Variants in MAPK8IP3 observed in about 807,000 individuals in gnomAD.
MAPK8IP3 encodes the protein mitogen-activated protein kinase 8 interacting protein 3, also known as C-Jun-amino-terminal kinase-interacting protein 3.
In MAPK8IP3, 49 loss-of-function variants were observed where a neutral mutation model predicts 157.8. The ratio of observed to expected loss-of-function variants is 0.31; its 90% CI spans 0.25 to 0.39. The LOEUF is 0.39. Ranked by LOEUF, MAPK8IP3 falls within the 10% of genes least tolerant of loss-of-function variation. The pLI is 1.00. For synonymous variants in MAPK8IP3, 897 were observed against 777.7 expected (o/e 1.15, Z -2.55); for missense variants, 1,478 against 1,889.4 (o/e 0.78, Z 4.04).
chr16:1,735,766 ACCGT>A (rs1212828201), intron 4 of MAPK8IP3, among the ~76,000 whole-genome samples: 1 of 127,990 alleles, frequency 7.8e-6, no homozygotes, highest in Non-Finnish European at 1.6e-5. Flanking sequence ...CATCCGTGTG[ACCGT>A]CCATGTGAGA....
Position 1,743,888 on chromosome 16 carries a change from G to A in MAPK8IP3, c.747+412G>A. The A allele has an allele frequency of 9.4e-7, 1 of 1,064,782 alleles. No homozygotes were observed. Among genetic ancestry groups the A allele is most frequent in the South Asian group, 2.9e-5 (1 of 35,024 alleles). The allele number at this position is 1,064,782 out of a possible 1,614,324, so 66.0% of individuals were successfully genotyped here. ...TGAGAGCCACGCCTCTACTCTCGGA[G>A]GAACGTCAGTGTCTAGAGTGTGGGG... On this transcript the variant is annotated intron_variant, in intron 5 of 31. Transcript: ENST00000610761. This position sits in a 1 kb window ranked among gnomAD's most constrained non-coding sequence, Gnocchi z 5.6.
chr16:1,756,601 A>T (rs2041610962), intron 8 of MAPK8IP3, among the ~76,000 whole-genome samples: 1 of 151,110 alleles, frequency 6.6e-6, no homozygotes, highest in Non-Finnish European at 1.5e-5. Flanking sequence ...TGGGCAACAT[A>T]GTGAGACCTC....
chr16:1,722,736 G>A (rs1371086095), intron 1 of MAPK8IP3, among the ~76,000 whole-genome samples: 4 of 151,912 alleles, frequency 2.6e-5, no homozygotes, highest in East Asian at 1.9e-4. Flanking sequence ...ATGGAGTCTC[G>A]CTCTGTCGCC....
At position 1,747,140 on chromosome 16, in the gene MAPK8IP3, A is replaced by G. The variant is rs768803518; in HGVS notation, c.859A>G (p.Thr287Ala). Residue 287 changes from threonine (T) to alanine (A), a missense_variant, in exon 6 of 32, where the codon ACA (threonine) becomes GCA (alanine). Around this residue, in one of 11 missense-constraint regions of MAPK8IP3, gnomAD observed 315 missense variants for 394.4 expected, o/e 0.80. Transcript: ENST00000610761. ...ATCCTCCGTGCCCTCGGCCGCCGTCACACCCCTCAACGAGAGCCTGCAGCC... is the reference window on the plus strand; with the variant it reads ...ATCCTCCGTGCCCTCGGCCGCCGTCGCACCCCTCAACGAGAGCCTGCAGCC... ...PTSSVPSAAV[T>A]PLNESLQPLG... 1.9e-6 allele frequency: 3 copies of G among 1,613,982 alleles called. 1 individual carries two copies. In the South Asian group the frequency reaches 3.3e-5, roughly 18 times the overall value.
rs770506805 is a variant in MAPK8IP3 at position 1,743,350 on chromosome 16, C to G, written c.621C>G (p.Thr207=). ...LPGRSRKERP[T]SLNVFPLADG... ...ATTTCAGCAGGAAGGAGCGCCCCAC[C>G]TCCCTGAACGTGTTCCCCCTGGCTG... Residue 207 remains threonine, a synonymous_variant, in exon 5 of 32, where the codon ACC becomes ACG. Transcript: ENST00000610761. The surrounding 1 kb of genome is among the most constrained non-coding windows in gnomAD (Gnocchi z 5.6). The G allele has an allele frequency of 4.5e-6, 7 of 1,566,894 alleles. No homozygotes were observed. The African/African-American group carries it at 8.4e-5, about 19-fold the overall frequency.
chr16:1,766,168 TC>T, intron 21 of MAPK8IP3, 26 bp downstream of exon 21: 3 of 1,601,420 alleles, frequency 1.9e-6, no homozygotes, highest in Non-Finnish European at 2.6e-6. Flanking sequence ...GTTTCCCCCA[TC>T]CCCTCATTCC....
rs1045626409 is a variant in MAPK8IP3 at position 1,741,602 on chromosome 16, C to T, written c.603-1730C>T. ...GGCCTCAGCAGAGGCGCTCCCCGCA[C>T]CAGCGTTGGGAGCGCAGTGGAAGTG... On this transcript the variant is annotated intron_variant, in intron 4 of 31. Coordinates refer to ENST00000610761, the MANE Select transcript of MAPK8IP3 (RefSeq NM_001318852.2). The surrounding 1 kb of genome is among the most constrained non-coding windows in gnomAD (Gnocchi z 6.9). 6.6e-6 allele frequency among the ~76,000 whole-genome samples: 1 copy of T among 152,112 alleles called. No individual in the cohort carries two copies. The highest frequency in any genetic ancestry group is 1.5e-5 in the Non-Finnish European group (1 of 68,000).
At chr16:1,752,415 T>G (rs1056387419) in intron 8 of MAPK8IP3, 13 of 283,972 alleles carry the variant, frequency 4.6e-5, no homozygotes, top group African/African-American at 2.1e-4. Flanking sequence ...GACCTTTTGG[T>G]GCCTTTCCAG....
chr16:1,747,804 C>T (rs1240737315), intron 6 of MAPK8IP3, among the ~76,000 whole-genome samples: 2 of 151,978 alleles, frequency 1.3e-5, no homozygotes, highest in Admixed American at 1.3e-4. Context: ...AACCAGTAAC[C>T]TGCATCGCCC....
intron 19 of MAPK8IP3, 120 bp from the exon 20 acceptor site, chr16:1,764,893 T>TG: frequency 1.0e-6 from 1 of 954,490 alleles, no homozygotes; most frequent in East Asian, 2.6e-5. Context: ...AGGACAGCCA[T>TG]GTCCCCTCAA....
At chr16:1,746,800 GC>G in intron 5 of MAPK8IP3, 2 of 571,954 alleles carry the variant, frequency 3.5e-6, no homozygotes, top group Non-Finnish European at 6.2e-6. Flanking sequence ...CAGGAGGGTG[GC>G]CCTGCTTCCG....
At chr16:1,758,550 C>T (rs999251635) in intron 9 of MAPK8IP3, among the ~76,000 whole-genome samples, 2 of 152,148 alleles carry the variant, frequency 1.3e-5, no homozygotes, top group Admixed American at 6.5e-5. Context: ...CCCCTCCCCA[C>T]GTGGGTGGAC....
intron 2 of MAPK8IP3, 125 bp from the exon 3 acceptor site, chr16:1,729,013 T>G: frequency 1.2e-6 from 1 of 848,304 alleles, no homozygotes; most frequent in Non-Finnish European, 2.0e-6. Flanking sequence ...GGGCTGCTGC[T>G]GGTTGCCTCA....
At chr16:1,735,849 G>A (rs575469406) in intron 4 of MAPK8IP3, among the ~76,000 whole-genome samples, 16 of 138,286 alleles carry the variant, frequency 1.2e-4, no homozygotes, top group East Asian at 1.1e-3. Flanking sequence ...GTGACCGCCC[G>A]TGTGAGCATC....
In MAPK8IP3 at chr16:1,768,393, C is replaced by T. The variant is rs1033910327; in HGVS notation, c.3742+15C>T. 5.0e-6 allele frequency: 8 copies of T among 1,598,302 alleles called. No homozygotes were observed. Among genetic ancestry groups the T allele is most frequent in the Admixed American group, 1.7e-5 (1 of 59,854 alleles). Reference sequence around the variant, plus strand: ...CTCGGTGCCAGGTGAGGCTGGGCCCCTCCTGCCATCCACATCCCCTGCATG... The same window carrying T: ...CTCGGTGCCAGGTGAGGCTGGGCCCTTCCTGCCATCCACATCCCCTGCATG... On this transcript the variant is annotated intron_variant, in intron 30 of 31. Transcript: ENST00000610761.
intron 1 of MAPK8IP3, among the ~76,000 whole-genome samples, chr16:1,718,962 A>G (rs1273408751): frequency 6.6e-6 from 1 of 152,154 alleles, no homozygotes; most frequent in Non-Finnish European, 1.5e-5. Flanking sequence ...CCTGTGGTTC[A>G]GGAGGCTGTG....
rs749285440 is a variant in MAPK8IP3 at position 1,718,075 on chromosome 16, G to A, written c.319-6482G>A. On this transcript the variant is annotated intron_variant, in intron 1 of 31. Coordinates refer to ENST00000610761, the MANE Select transcript of MAPK8IP3 (RefSeq NM_001318852.2). ...TCACCTTGTTAGCCAGGATGGTCTC[G>A]ATCTCCTGACCTCAAGGTTCGCCCG... is the stretch of plus-strand genomic sequence containing the variant. 1.2e-3 allele frequency among the ~76,000 whole-genome samples: 180 copies of A among 151,926 alleles called. 1 individual carries two copies. Among genetic ancestry groups the A allele is most frequent in the Non-Finnish European group, 1.6e-3 (112 of 67,996 alleles).
At chr16:1,758,464 C>T (rs1408708549) in intron 9 of MAPK8IP3, among the ~76,000 whole-genome samples, 3 of 152,228 alleles carry the variant, frequency 2.0e-5, no homozygotes, top group East Asian at 3.9e-4. Flanking sequence ...AAGGCCAGCT[C>T]TGGGGCCTCC....
rs762071569 is a variant in MAPK8IP3, at chr16:1,760,437, G to A, written c.1362G>A (p.Gly454=). ...TTGCCAAGGTCGACCAGCTGTCCGG[G>A]GAGCAGGAGGTGCTGAGGGGCGAGT... ...DLIAKVDQLS[G]EQEVLRGELE... The change falls in exon 12 of 32, where the codon GGG becomes GGA. Residue 454 remains glycine, a synonymous_variant. Coordinates refer to ENST00000610761, the MANE Select transcript of MAPK8IP3 (RefSeq NM_001318852.2). The A allele has an allele frequency of 8.1e-6, 13 of 1,613,884 alleles. No homozygotes were observed. Among genetic ancestry groups the A allele is most frequent in the African/African-American group, 2.7e-5 (2 of 74,942 alleles).
Sources: allele counts gnomAD v4.1 joint callset (sites outside exome capture counted in the v4.1 genomes callset), GRCh38; gene constraint gnomAD v4.1.1; regional missense constraint gnomAD v4.1.1; non-coding constraint Gnocchi (gnomAD v3.1); transcripts MANE v1.5; gene names NCBI Gene and HGNC (gene_info 2026-07-23, HGNC 2026-07-21).